The following CCDC7 variants were observed in gnomAD, a reference collection of about 807,000 sequenced individuals.
CCDC7 encodes the protein coiled-coil domain-containing protein 7.
CCDC7 carries 183 observed loss-of-function variants against 196.9 expected under a neutral mutation model. The observed-to-expected ratio is 0.93, with a 90% CI of 0.82 to 1.05. CCDC7 has a LOEUF of 1.05. Ranked by LOEUF, CCDC7 falls within the 50% of genes least tolerant of loss-of-function variation. The pLI, the probability that CCDC7 is intolerant of heterozygous loss-of-function variation, is 0.00. For missense variants in CCDC7, 1,540 were observed against 1,482.2 expected (o/e 1.04, Z -0.64); for synonymous variants, 525 against 484.6 (o/e 1.08, Z -1.10).
intron 28 of CCDC7, among the ~76,000 whole-genome samples, chr10:32,735,053 G>A (rs1475482666): frequency 4.7e-5 from 4 of 84,908 alleles, no homozygotes; most frequent in African/African-American, 1.4e-4. Flanking sequence ...AAACAGTTTA[G>A]ACAGAGGCTC....
intron 28 of CCDC7, among the ~76,000 whole-genome samples, chr10:32,750,853 C>T (rs1464197654): frequency 1.3e-5 from 2 of 152,140 alleles, no homozygotes; most frequent in African/African-American, 2.4e-5. Context: ...AAACATTAAG[C>T]CCTATTAGAA....
intron 13 of CCDC7, among the ~76,000 whole-genome samples, chr10:32,563,999 C>G (rs1184802683): frequency 1.3e-5 from 2 of 152,276 alleles, no homozygotes; most frequent in East Asian, 1.9e-4. Flanking sequence ...AGGACATGAG[C>G]AGACACTTCT....
chr10:32,718,254 G>A (rs993812724), intron 25 of CCDC7, among the ~76,000 whole-genome samples: 4 of 152,122 alleles, frequency 2.6e-5, no homozygotes. Context: ...AATGCCATCA[G>A]TCACATAAAC....
At chr10:32,577,688 C>A (rs1265110539) in intron 16 of CCDC7, among the ~76,000 whole-genome samples, 1 of 152,142 alleles carries the variant, frequency 6.6e-6, no homozygotes, top group East Asian at 1.9e-4. Context: ...GAGTCAATGG[C>A]TTGTTTAAAA....
chr10:32,459,725 T>C (rs184180832), intron 3 of CCDC7, among the ~76,000 whole-genome samples: 31 of 144,096 alleles, frequency 2.2e-4, no homozygotes, highest in Non-Finnish European at 4.4e-4. Context: ...GATACAAATT[T>C]ACAATTGACT....
At chr10:32,571,892 A>G in exon 16 of CCDC7, 1 of 1,570,720 alleles carries the variant, frequency 6.4e-7, no homozygotes, top group Non-Finnish European at 8.6e-7. Context: ...GATTGAAAAG[A>G]GGTAAAACAC....
chr10:32,670,569 G>T (rs1290720939), intron 21 of CCDC7, among the ~76,000 whole-genome samples: 3 of 122,696 alleles, frequency 2.4e-5, no homozygotes, highest in African/African-American at 6.6e-5. Flanking sequence ...AGTCCCCAGA[G>T]TGTGATGTTC....
chr10:32,801,865 A>G (rs1204138355), intron 29 of CCDC7, among the ~76,000 whole-genome samples: 1 of 152,160 alleles, frequency 6.6e-6, no homozygotes, highest in African/African-American at 2.4e-5. Context: ...TGGAGTGGGG[A>G]GGCTGTTTCC....
chr10:32,630,119 G>A (rs2064641219), intron 18 of CCDC7, among the ~76,000 whole-genome samples: 1 of 152,082 alleles, frequency 6.6e-6, no homozygotes, highest in South Asian at 2.1e-4. Context: ...AATCTGAGCT[G>A]TTCTCAGGGG....
At chr10:32,791,178 A>G (rs1488874895) in intron 29 of CCDC7, among the ~76,000 whole-genome samples, 1 of 151,726 alleles carries the variant, frequency 6.6e-6, no homozygotes, top group Non-Finnish European at 1.5e-5. Context: ...CACTGTGCTT[A>G]CCTGGAACCG....
intron 18 of CCDC7, among the ~76,000 whole-genome samples, chr10:32,605,642 A>G (rs888826247): frequency 5.9e-5 from 9 of 152,180 alleles, no homozygotes; most frequent in Non-Finnish European, 1.3e-4. Flanking sequence ...ATTTTGTCAC[A>G]CCCTAGGGAT....
chr10:32,525,995 C>A (rs776081684), intron 11 of CCDC7, among the ~76,000 whole-genome samples: 20 of 152,194 alleles, frequency 1.3e-4, no homozygotes, highest in Admixed American at 2.0e-4. Context: ...TCCCAAGGCC[C>A]TTTCCTTCAG....
intron 20 of CCDC7, among the ~76,000 whole-genome samples, chr10:32,658,634 T>C (rs919057913): frequency 6.6e-6 from 1 of 152,142 alleles, no homozygotes; most frequent in African/African-American, 2.4e-5. Flanking sequence ...AATGAATAGA[T>C]AAAAATGTGC....
intron 13 of CCDC7, among the ~76,000 whole-genome samples, chr10:32,555,476 C>T (rs2054206258): frequency 6.6e-6 from 1 of 152,058 alleles, no homozygotes; most frequent in South Asian, 2.1e-4. Flanking sequence ...GATCTCTTGA[C>T]CTCGTGATCT....
intron 20 of CCDC7, among the ~76,000 whole-genome samples, chr10:32,636,553 T>A (rs2065677784): frequency 6.6e-6 from 1 of 152,218 alleles, no homozygotes. Context: ...ATAAAGGACA[T>A]GAACTCATCC....
chr10:32,674,944 T>C (rs947484455), intron 21 of CCDC7, among the ~76,000 whole-genome samples: 37 of 152,182 alleles, frequency 2.4e-4, no homozygotes, highest in Admixed American at 2.4e-3. Flanking sequence ...TTCCTCTCCT[T>C]CTCTTTTAGT....
At chr10:32,851,622 T>G (rs915607769) in intron 39 of CCDC7, among the ~76,000 whole-genome samples, 185 bp from the exon 41 acceptor site, 1 of 152,198 alleles carries the variant, frequency 6.6e-6, no homozygotes, top group Non-Finnish European at 1.5e-5. Context: ...GGATGACCTG[T>G]CTCTTGTTCA....
chr10:32,557,997 A>G (rs2054642755), intron 13 of CCDC7, among the ~76,000 whole-genome samples: 1 of 152,162 alleles, frequency 6.6e-6, no homozygotes, highest in Admixed American at 6.5e-5. Context: ...TTTATAGCTT[A>G]TATTTCTCTG....
At chr10:32,648,967 C>T (rs1007903592) in intron 20 of CCDC7, among the ~76,000 whole-genome samples, 1 of 152,160 alleles carries the variant, frequency 6.6e-6, no homozygotes, top group Non-Finnish European at 1.5e-5. Flanking sequence ...CCATGGAATA[C>T]TATGCAGTCA....
Sources: gnomAD v4.1 joint callset for allele counts (sites outside exome capture counted in the v4.1 genomes callset) on GRCh38, gnomAD v4.1.1 for gene constraint, MANE v1.5 for transcripts, NCBI Gene and HGNC (gene_info 2026-07-23, HGNC 2026-07-21) for gene names.